CMTR1: variants seen among roughly 807,000 people sequenced by gnomAD.
CMTR1 encodes the protein cap-specific mRNA (nucleoside-2'-O-)-methyltransferase 1.
A neutral mutation model predicts 107.0 loss-of-function variants in CMTR1; 39 were observed. The ratio of observed to expected loss-of-function variants is 0.36; its 90% CI spans 0.28 to 0.48. The LOEUF (loss-of-function observed/expected upper bound fraction) is 0.48. Ranked by LOEUF, CMTR1 falls within the 20% of genes least tolerant of loss-of-function variation. CMTR1 has a pLI of 0.99. For synonymous variants in CMTR1, 366 were observed against 379.5 expected (o/e 0.96, Z 0.41); for missense variants, 672 against 1,064.9 (o/e 0.63, Z 5.14).
chr6:37,446,570 T>G, intron 4 of CMTR1, 121 bp downstream of exon 4: 1 of 1,173,422 alleles, frequency 8.5e-7, no homozygotes, highest in Non-Finnish European at 1.2e-6. Flanking sequence ...TGGAATTAGT[T>G]TTTTACGTGG....
chr6:37,435,791 C>T (rs755018516), intron 2 of CMTR1, 29 bp downstream of exon 2: 1 of 1,552,638 alleles, frequency 6.4e-7, no homozygotes, highest in Non-Finnish European at 8.6e-7. Flanking sequence ...TCTGAGGCCA[C>T]TGGCCATCTG....
chr6:37,474,690 A>C (rs1265577486), intron 18 of CMTR1, 44 bp downstream of exon 18: 2 of 1,606,194 alleles, frequency 1.2e-6, no homozygotes, highest in South Asian at 2.2e-5. Flanking sequence ...CAGCTAGGGG[A>C]CTAGGGGGCT....
intron 1 of CMTR1, among the ~76,000 whole-genome samples, chr6:37,434,902 G>A (rs1305569842): frequency 1.3e-5 from 2 of 152,128 alleles, no homozygotes; most frequent in Non-Finnish European, 1.5e-5. Context: ...GTGAGCCACC[G>A]CGCCCAGCTG....
Position 37,462,874 on chromosome 6 carries a change from G to A in CMTR1, c.1371G>A (p.Arg457=), listed in dbSNP as rs1761429441. ...TGAAGGTGGGCATAGATGATGTTCGGGATTACCTCTTCGCAGTGAATATTA... is the reference window on the plus strand; with the variant it reads ...TGAAGGTGGGCATAGATGATGTTCGAGATTACCTCTTCGCAGTGAATATTA... ...KGLKVGIDDV[R]DYLFAVNIKL... Residue 457 remains arginine, a synonymous_variant, in exon 13 of 24, where the codon CGG becomes CGA. Coordinates refer to ENST00000373451, the MANE Select transcript of CMTR1 (RefSeq NM_015050.3). 1.2e-6 allele frequency: 2 copies of A among 1,613,538 alleles called. No individual in the cohort carries two copies. Among genetic ancestry groups the A allele is most frequent in the Admixed American group, 1.7e-5 (1 of 60,014 alleles).
At chr6:37,449,172 C>T (rs1381607498) in intron 4 of CMTR1, among the ~76,000 whole-genome samples, 1 of 152,098 alleles carries the variant, frequency 6.6e-6, no homozygotes, top group Non-Finnish European at 1.5e-5. Context: ...TCTTAAACTC[C>T]TGGCCTCAAG....
intron 8 of CMTR1, among the ~76,000 whole-genome samples, chr6:37,457,983 A>G (rs979811030): frequency 2.0e-5 from 3 of 152,018 alleles, no homozygotes; most frequent in Non-Finnish European, 4.4e-5. Context: ...GTTCAGTAGG[A>G]CTCTTGAAAG....
chr6:37,459,684 G>T lies in CMTR1; in HGVS notation c.1095G>T (p.Gly365=), dbSNP rs1444828295. ...RKGVHFLMAD[G]GFSVEGQENL... ...GTGTCCATTTTCTGATGGCTGATGG[G>T]GTAGGTTACCTTTTTTCCATAGACT... The change falls in exon 10 of 24, where the codon GGG becomes GGT. Residue 365 remains glycine, a splice_region_variant and synonymous_variant. Coordinates refer to ENST00000373451, the MANE Select transcript of CMTR1 (RefSeq NM_015050.3). The T allele has an allele frequency of 8.1e-6, 13 of 1,607,114 alleles. No individual in the cohort carries two copies. The highest frequency in any genetic ancestry group is 1.1e-5 in the Non-Finnish European group (13 of 1,173,678).
chr6:37,434,759 T>G (rs1771484788), intron 1 of CMTR1, among the ~76,000 whole-genome samples: 1 of 152,108 alleles, frequency 6.6e-6, no homozygotes, highest in South Asian at 2.1e-4. Flanking sequence ...TACAGGCATG[T>G]GCCACCACCC....
At chr6:37,445,917 C>T (rs538053089) in intron 3 of CMTR1, among the ~76,000 whole-genome samples, 4 of 152,274 alleles carry the variant, frequency 2.6e-5, no homozygotes, top group African/African-American at 7.2e-5. Context: ...CAGCTTGAAG[C>T]GGTTCCATTT....
chr6:37,432,846 A>G (rs1771413504), upstream of CMTR1, among the ~76,000 whole-genome samples: 1 of 152,230 alleles, frequency 6.6e-6, no homozygotes, highest in Non-Finnish European at 1.5e-5. Context: ...GAGATGTCCC[A>G]TAGGCTGGAT....
intron 14 of CMTR1, among the ~76,000 whole-genome samples, chr6:37,471,410 G>C (rs1761622093): frequency 6.6e-6 from 1 of 152,184 alleles, no homozygotes; most frequent in Non-Finnish European, 1.5e-5. Context: ...CAAGAGAGGA[G>C]AGGTAGGACT....
At chr6:37,478,056 GT>G (rs1416354274) in intron 21 of CMTR1, among the ~76,000 whole-genome samples, 2 of 152,210 alleles carry the variant, frequency 1.3e-5, no homozygotes, top group African/African-American at 4.8e-5. Flanking sequence ...ACAGAACTCA[GT>G]CTCCTTCTGG....
At chr6:37,452,925 AT>A in intron 6 of CMTR1, 121 bp from the exon 7 acceptor site, 1 of 829,936 alleles carries the variant, frequency 1.2e-6, no homozygotes, top group Non-Finnish European at 2.1e-6. Flanking sequence ...ACAGTGAGAC[AT>A]TTCAGAGCTG....
chr6:37,442,104 T>G (rs921117787), intron 2 of CMTR1, among the ~76,000 whole-genome samples: 1 of 152,252 alleles, frequency 6.6e-6, no homozygotes, highest in Non-Finnish European at 1.5e-5. Context: ...ATTAACCTTA[T>G]CTATTAGATT....
At chr6:37,478,966 G>A (rs538404286) in intron 22 of CMTR1, among the ~76,000 whole-genome samples, 181 bp from the exon 23 acceptor site, 31 of 152,312 alleles carry the variant, frequency 2.0e-4, no homozygotes, top group African/African-American at 5.8e-4. Flanking sequence ...AAGTCATCGC[G>A]TAGTCATTCT....
chr6:37,441,403 A>T (rs1321391889), intron 2 of CMTR1, among the ~76,000 whole-genome samples: 4 of 148,288 alleles, frequency 2.7e-5, no homozygotes, highest in African/African-American at 2.5e-5. Context: ...AGCTTTTTTT[A>T]CCCTAATTTT....
chr6:37,439,151 C>A (rs1346788869), intron 2 of CMTR1, among the ~76,000 whole-genome samples: 1 of 152,206 alleles, frequency 6.6e-6, no homozygotes, highest in Non-Finnish European at 1.5e-5. Context: ...AGACTGACAT[C>A]TGGCCAGAGT....
chr6:37,444,113 G>A lies in CMTR1; in HGVS notation c.248G>A (p.Arg83His), dbSNP rs1168631606. The A allele has an allele frequency of 6.2e-7, 1 of 1,614,124 alleles. No individual in the cohort carries two copies. Among genetic ancestry groups the A allele is most frequent in the East Asian group, 2.2e-5 (1 of 44,890 alleles). ...ADSLVEGTSS[R>H]YSMYNSVSQK... ...TCTCTTGTGGAAGGAACTTCTTCTC[G>A]CTATTCCATGTATAATAGCGTCTCC... Residue 83 changes from arginine (R) to histidine (H), a missense_variant, in exon 3 of 24, where the codon CGC (arginine) becomes CAC (histidine). By Grantham distance (29) the Arg-to-His change is conservative. Around this residue, in one of 2 missense-constraint regions of CMTR1, gnomAD observed 583 missense variants for 968.4 expected, o/e 0.60. Transcript: ENST00000373451.
At chr6:37,429,771 C>T (rs555082001), upstream of CMTR1, among the ~76,000 whole-genome samples, 1 of 152,262 alleles carries the variant, frequency 6.6e-6, no homozygotes, top group African/African-American at 2.4e-5. Flanking sequence ...AACCCAGTCT[C>T]TACTAAAAAT....
Sources: gnomAD v4.1 joint callset for allele counts (sites outside exome capture counted in the v4.1 genomes callset) on GRCh38, gnomAD v4.1.1 for gene constraint, gnomAD v4.1.1 regional missense constraint, MANE v1.5 for transcripts, NCBI Gene and HGNC (gene_info 2026-07-23, HGNC 2026-07-21) for gene names.